WNT3: variants seen among roughly 807,000 people sequenced by gnomAD.
WNT3 encodes the protein proto-oncogene Wnt-3.
WNT3 carries 7 observed loss-of-function variants against 34.2 expected under a neutral mutation model. That is an observed-to-expected ratio of 0.20 (90% CI 0.12 to 0.38). WNT3 has a LOEUF of 0.38. Ranked by LOEUF, WNT3 falls within the 10% of genes least tolerant of loss-of-function variation. The pLI, the probability that WNT3 is intolerant of heterozygous loss-of-function variation, is 1.00. For synonymous variants in WNT3, 212 were observed against 211.5 expected (o/e 1.00, Z -0.02); for missense variants, 267 against 499.8 (o/e 0.53, Z 4.44).
At chr17:46,781,692 A>T (rs1433761113) in intron 1 of WNT3, among the ~76,000 whole-genome samples, 1 of 152,190 alleles carries the variant, frequency 6.6e-6, no homozygotes, top group African/African-American at 2.4e-5. Flanking sequence ...ACTTAATGCC[A>T]CTGAATAGTA....
intron 2 of WNT3, among the ~76,000 whole-genome samples, chr17:46,771,067 G>C (rs534943071): frequency 6.6e-6 from 1 of 152,318 alleles, no homozygotes; most frequent in South Asian, 2.1e-4. Context: ...CCCCTCCTGG[G>C]CTGTGGGCCG....
intron 1 of WNT3, among the ~76,000 whole-genome samples, chr17:46,792,624 C>A (rs1190646847): frequency 1.3e-5 from 2 of 152,084 alleles, no homozygotes; most frequent in Non-Finnish European, 2.9e-5. Flanking sequence ...TAGGTGCATG[C>A]CACCACACCT....
At chr17:46,767,179 C>T (rs1047762521) in intron 4 of WNT3, among the ~76,000 whole-genome samples, 1 of 152,248 alleles carries the variant, frequency 6.6e-6, no homozygotes, top group Middle Eastern at 3.4e-3. Flanking sequence ...GCTGTGGAAC[C>T]CAGGGCCAGT....
At chr17:46,818,482 A>C in intron 1 of WNT3, 36 bp downstream of exon 1, 1 of 1,577,146 alleles carries the variant, frequency 6.3e-7, no homozygotes, top group Non-Finnish European at 8.6e-7. Context: ...CGCGGCGGAG[A>C]AACCGGGCCG....
chr17:46,814,371 A>G (rs1471555990), intron 1 of WNT3, among the ~76,000 whole-genome samples: 1 of 152,226 alleles, frequency 6.6e-6, no homozygotes, highest in Non-Finnish European at 1.5e-5. Flanking sequence ...ATGTGATCCT[A>G]TCGGAAGAAT....
chr17:46,806,783 T>C (rs1447108597), intron 1 of WNT3, among the ~76,000 whole-genome samples: 2 of 152,180 alleles, frequency 1.3e-5, no homozygotes, highest in Non-Finnish European at 2.9e-5. Flanking sequence ...GTTAGAGTTG[T>C]GAGGACACCT....
chr17:46,815,383 G>A (rs1264743982), intron 1 of WNT3, among the ~76,000 whole-genome samples: 3 of 152,214 alleles, frequency 2.0e-5, no homozygotes. Context: ...GGTCTGAGCA[G>A]TGTGGACTCA....
chr17:46,811,710 T>C (rs904382050), intron 1 of WNT3, among the ~76,000 whole-genome samples: 1 of 152,164 alleles, frequency 6.6e-6, no homozygotes, highest in African/African-American at 2.4e-5. Context: ...ATCCCAGCAC[T>C]TTGGGAGGCC....
intron 1 of WNT3, among the ~76,000 whole-genome samples, chr17:46,817,371 T>TCCC (rs1353604637): frequency 6.6e-6 from 1 of 151,032 alleles, no homozygotes; most frequent in African/African-American, 2.5e-5. Context: ...CCTCCTCACC[T>TCCC]CCCCCCGCCC....
intron 2 of WNT3, 143 bp from the exon 3 acceptor site, chr17:46,770,191 G>C: frequency 8.6e-7 from 1 of 1,161,182 alleles, no homozygotes. Context: ...GAGGGAGGCA[G>C]CTTCCCCACC....
At chr17:46,811,308 C>T (rs2084271911) in intron 1 of WNT3, among the ~76,000 whole-genome samples, 1 of 152,130 alleles carries the variant, frequency 6.6e-6, no homozygotes, top group Admixed American at 6.5e-5. Context: ...CTGATGTCAA[C>T]TCAGCAGGTA....
At chr17:46,817,126 C>G (rs754188227) in intron 1 of WNT3, among the ~76,000 whole-genome samples, 2 of 152,224 alleles carry the variant, frequency 1.3e-5, no homozygotes, top group African/African-American at 4.8e-5. Context: ...TCCCCACCCT[C>G]TCTCCCAGGA....
chr17:46,771,064 T>G (rs115060764), intron 2 of WNT3, among the ~76,000 whole-genome samples: 7,258 of 152,272 alleles, frequency 0.048, 576 homozygotes, highest in African/African-American at 0.16. Flanking sequence ...CCTCCCCTCC[T>G]GGGCTGTGGG....
intron 1 of WNT3, among the ~76,000 whole-genome samples, chr17:46,780,113 C>A (rs759523059): frequency 1.3e-5 from 2 of 152,212 alleles, no homozygotes; most frequent in Non-Finnish European, 2.9e-5. Context: ...AGCCTGGATG[C>A]TGCATTGACT....
At chr17:46,783,167 G>T (rs2059476313) in intron 1 of WNT3, among the ~76,000 whole-genome samples, 1 of 152,206 alleles carries the variant, frequency 6.6e-6, no homozygotes, top group African/African-American at 2.4e-5. Context: ...GGAAGGGAAG[G>T]GTGAGGGTAG....
chr17:46,816,487 A>G (rs1421065308), intron 1 of WNT3, among the ~76,000 whole-genome samples: 1,651 of 100,742 alleles, frequency 0.016, 30 homozygotes, highest in African/African-American at 0.042. Context: ...ACACACACAC[A>G]CACACACACA....
intron 1 of WNT3, among the ~76,000 whole-genome samples, chr17:46,776,773 G>A (rs559193132): frequency 3.9e-4 from 59 of 152,118 alleles, no homozygotes; most frequent in Middle Eastern, 3.4e-3. Context: ...GGCTGTCCCC[G>A]CTCCTTCCTC....
At chr17:46,795,743 C>A (rs368460528) in intron 1 of WNT3, among the ~76,000 whole-genome samples, 1 of 152,300 alleles carries the variant, frequency 6.6e-6, no homozygotes, top group African/African-American at 2.4e-5. Context: ...CAAAGCCAGC[C>A]CCACCCGGGG....
At chr17:46,798,120 G>C (rs955322382) in intron 1 of WNT3, among the ~76,000 whole-genome samples, 1 of 152,140 alleles carries the variant, frequency 6.6e-6, no homozygotes, top group African/African-American at 2.4e-5. Context: ...GTAGAGATGG[G>C]GCTTCACCAT....
Sources: gnomAD v4.1 joint callset for allele counts (sites outside exome capture counted in the v4.1 genomes callset) on GRCh38, gnomAD v4.1.1 for gene constraint, MANE v1.5 for transcripts, NCBI Gene and HGNC (gene_info 2026-07-23, HGNC 2026-07-21) for gene names.